Variants in GALNTL6 observed in about 807,000 individuals in gnomAD.
GALNTL6 encodes polypeptide N-acetylgalactosaminyltransferase-like 6.
A neutral mutation model predicts 73.7 loss-of-function variants in GALNTL6; 46 were observed. The observed-to-expected ratio is 0.62, with a 90% CI of 0.49 to 0.80. The LOEUF is 0.80. Ranked by LOEUF, GALNTL6 falls within the 30% of genes least tolerant of loss-of-function variation. The pLI is 0.00. For synonymous variants in GALNTL6, 259 were observed against 263.7 expected, an observed-to-expected ratio of 0.98 and a Z score of 0.17; for missense variants, 604 against 755.0, an observed-to-expected ratio of 0.80 and a Z score of 2.34.
At chr4:172,540,051 C>CTTTT (rs70944413) in intron 5 of GALNTL6, among the ~76,000 whole-genome samples, 19 of 129,172 alleles carry the variant, frequency 1.5e-4, no homozygotes, top group East Asian at 2.2e-4. Flanking sequence ...TTCTTTCTTT[C>CTTTT]TTTTTTTTTT....
intron 2 of GALNTL6, among the ~76,000 whole-genome samples, chr4:171,942,986 C>G (rs1194287693): frequency 6.6e-6 from 1 of 152,162 alleles, no homozygotes; most frequent in Non-Finnish European, 1.5e-5. Flanking sequence ...GCCTTATTTA[C>G]TGGTATGCCG....
chr4:172,814,182 C>T (rs113941480), intron 7 of GALNTL6, among the ~76,000 whole-genome samples: 1 of 152,148 alleles, frequency 6.6e-6, no homozygotes, highest in Admixed American at 6.5e-5. Flanking sequence ...ATAACGGAAG[C>T]GTGCTCCTAA....
intron 5 of GALNTL6, among the ~76,000 whole-genome samples, chr4:172,495,528 C>T (rs993573696): frequency 2.0e-5 from 3 of 152,188 alleles, no homozygotes; most frequent in African/African-American, 7.2e-5. Context: ...AAACCTTAGA[C>T]TCCTCCCGCT....
chr4:172,052,557 C>T, intron 2 of GALNTL6: 1 of 1,474,868 alleles, frequency 6.8e-7, no homozygotes, highest in South Asian at 1.2e-5. Flanking sequence ...CAAACGGCTG[C>T]AGTGCAGACC....
chr4:172,651,494 C>G (rs939453090), intron 5 of GALNTL6, among the ~76,000 whole-genome samples: 1 of 152,088 alleles, frequency 6.6e-6, no homozygotes, highest in Non-Finnish European at 1.5e-5. Context: ...AGTAGGCACT[C>G]AAAAAATAAT....
intron 5 of GALNTL6, among the ~76,000 whole-genome samples, chr4:172,530,146 C>T (rs578240068): frequency 8.6e-5 from 13 of 152,000 alleles, no homozygotes. Flanking sequence ...ACTGAAAACT[C>T]GAAGCTACCA....
chr4:172,243,750 C>G (rs1737529551), intron 3 of GALNTL6, among the ~76,000 whole-genome samples: 2 of 152,066 alleles, frequency 1.3e-5, no homozygotes, highest in South Asian at 4.1e-4. Context: ...TTCCTAAGTT[C>G]CTTTAAACAA....
At chr4:172,697,638 G>A (rs1733774577) in intron 5 of GALNTL6, among the ~76,000 whole-genome samples, 1 of 152,148 alleles carries the variant, frequency 6.6e-6, no homozygotes, top group South Asian at 2.1e-4. Flanking sequence ...AGAATGTAAA[G>A]GACTATTGCT....
intron 2 of GALNTL6, among the ~76,000 whole-genome samples, chr4:172,075,472 C>A (rs1034369271): frequency 5.3e-5 from 8 of 152,088 alleles, no homozygotes; most frequent in South Asian, 4.2e-4. Context: ...GTAGCTGGGA[C>A]TACAGGCGCC....
In GALNTL6 at chr4:171,928,927, C is replaced by A. The variant is rs991004095; in HGVS notation, c.138+114209C>A. On this transcript the variant is annotated intron_variant, in intron 2 of 12. Coordinates refer to ENST00000506823, the MANE Select transcript of GALNTL6 (RefSeq NM_001034845.3). Reference sequence around the variant, plus strand: ...AATGACACATTTCCCAGAATGTATTCCCATTAAGTGACACATGGCTATAAT... The same window carrying A: ...AATGACACATTTCCCAGAATGTATTACCATTAAGTGACACATGGCTATAAT... Among the ~76,000 whole-genome samples the A allele has an allele frequency of 2.0e-5, 3 of 152,252 alleles. No individual in the cohort carries two copies. In the East Asian group the frequency reaches 5.8e-4, roughly 29 times the overall value.
At chr4:171,952,394 A>T (rs1738912166) in intron 2 of GALNTL6, among the ~76,000 whole-genome samples, 1 of 152,000 alleles carries the variant, frequency 6.6e-6, no homozygotes, top group Non-Finnish European at 1.5e-5. Context: ...AATGGTTTTA[A>T]AAAATAGAAA....
chr4:172,797,602 C>G (rs1250938777), intron 5 of GALNTL6, among the ~76,000 whole-genome samples: 2 of 151,546 alleles, frequency 1.3e-5, no homozygotes, highest in African/African-American at 4.9e-5. Context: ...GGCTGAATCA[C>G]GCGACCTCAG....
At chr4:171,905,017 C>G (rs1406407779) in intron 2 of GALNTL6, among the ~76,000 whole-genome samples, 1 of 152,122 alleles carries the variant, frequency 6.6e-6, no homozygotes, top group African/African-American at 2.4e-5. Flanking sequence ...AAAGGAACAA[C>G]CGATACGAGC....
intron 3 of GALNTL6, among the ~76,000 whole-genome samples, chr4:172,270,989 C>G (rs1352149669): frequency 6.6e-6 from 1 of 152,142 alleles, no homozygotes; most frequent in Non-Finnish European, 1.5e-5. Flanking sequence ...CTCTACACTA[C>G]TAATATAGAT....
intron 2 of GALNTL6, among the ~76,000 whole-genome samples, chr4:172,083,053 A>G (rs1039519432): frequency 3.1e-4 from 47 of 152,148 alleles, no homozygotes; most frequent in African/African-American, 1.1e-3. Context: ...CCAAGTCCTC[A>G]GGACAAAAAC....
chr4:172,346,004 C>G lies in GALNTL6; in HGVS notation c.387-2519C>G, dbSNP rs567918729. Among the ~76,000 whole-genome samples the G allele has an allele frequency of 3.9e-5, 6 of 152,264 alleles. No individual in the cohort carries two copies. In the East Asian group the frequency reaches 9.7e-4, roughly 25 times the overall value. On this transcript the variant is annotated intron_variant, in intron 4 of 12. Transcript: ENST00000506823. ...GGGGAATTAATTTTTCCCAGAACTT[C>G]TGATCTGCCCTTTGTGCAGAGATGA...
At chr4:172,631,851 A>G (rs1739409953) in intron 5 of GALNTL6, among the ~76,000 whole-genome samples, 1 of 152,258 alleles carries the variant, frequency 6.6e-6, no homozygotes, top group Non-Finnish European at 1.5e-5. Context: ...TATCACACTG[A>G]TAAAACCAAA....
chr4:172,218,860 G>C (rs1368315876), intron 2 of GALNTL6, among the ~76,000 whole-genome samples: 1 of 151,894 alleles, frequency 6.6e-6, no homozygotes, highest in Non-Finnish European at 1.5e-5. Flanking sequence ...TATATTTAAT[G>C]AAGTGATACA....
intron 2 of GALNTL6, among the ~76,000 whole-genome samples, chr4:171,950,900 TGATA>T (rs989304678): frequency 2.2e-4 from 34 of 151,764 alleles, no homozygotes; most frequent in Admixed American, 2.0e-3. Context: ...AATTTAAAAC[TGATA>T]GAGAGAATGA....
Sources: gnomAD v4.1 joint callset for allele counts (sites outside exome capture counted in the v4.1 genomes callset) on GRCh38, gnomAD v4.1.1 for gene constraint, MANE v1.5 for transcripts, NCBI Gene and HGNC (gene_info 2026-07-23, HGNC 2026-07-21) for gene names.